Variants in PBX1 observed in about 807,000 individuals in gnomAD.
PBX1 encodes the protein PBX homeobox 1.
Under a neutral mutation model 53.4 loss-of-function variants are expected in PBX1, and 6 were observed. The observed-to-expected ratio is 0.11, with a 90% CI of 0.06 to 0.22. PBX1 has a LOEUF of 0.22. Ranked by LOEUF, PBX1 falls within the 10% of genes least tolerant of loss-of-function variation. The pLI is 1.00. For missense variants in PBX1, 251 were observed against 551.4 expected (o/e 0.46, Z 5.46); for synonymous variants, 204 against 212.3 (o/e 0.96, Z 0.34).
chr1:164,575,897 C>T (rs1163269730), intron 2 of PBX1, among the ~76,000 whole-genome samples: 2 of 152,024 alleles, frequency 1.3e-5, no homozygotes, highest in Non-Finnish European at 2.9e-5. Context: ...GGTGATGCTG[C>T]GCGCAGCACC....
chr1:164,738,056 G>C (rs1665396267), intron 2 of PBX1, among the ~76,000 whole-genome samples: 2 of 151,918 alleles, frequency 1.3e-5, no homozygotes, highest in African/African-American at 2.4e-5. Context: ...ATAATGCTTT[G>C]AGATGTATCT....
At chr1:164,720,814 T>C (rs776079506) in intron 2 of PBX1, among the ~76,000 whole-genome samples, 5 of 152,172 alleles carry the variant, frequency 3.3e-5, no homozygotes, top group Non-Finnish European at 5.9e-5. Flanking sequence ...AGGTGTCCAA[T>C]GGAACATTGC....
intron 2 of PBX1, among the ~76,000 whole-genome samples, chr1:164,685,249 T>G (rs1662032231): frequency 6.6e-6 from 1 of 152,254 alleles, no homozygotes. Context: ...TGAAGGTTTC[T>G]TGCTGTCATG....
chr1:164,644,386 C>G (rs1659327253), intron 2 of PBX1, among the ~76,000 whole-genome samples: 1 of 152,130 alleles, frequency 6.6e-6, no homozygotes, highest in Admixed American at 6.5e-5. Flanking sequence ...TAAACAGCAT[C>G]TTTGGAGCAG....
chr1:164,776,559 C>T (rs1343108758), intron 2 of PBX1, among the ~76,000 whole-genome samples: 1 of 152,154 alleles, frequency 6.6e-6, no homozygotes, highest in Non-Finnish European at 1.5e-5. Context: ...GTGTTCTCTT[C>T]CCTTTGCCTT....
Position 164,593,250 on chromosome 1 carries a change from G to A in PBX1, c.265+29939G>A, listed in dbSNP as rs115986646. ...GGGAATAACAGGCATGAGCCACCAC[G>A]CCTGGCCAACCCTTAGATTCTTTTT... On this transcript the variant is annotated intron_variant, in intron 2 of 8. Coordinates refer to ENST00000420696, the MANE Select transcript of PBX1 (RefSeq NM_002585.4). 3.3e-5 allele frequency among the ~76,000 whole-genome samples: 5 copies of A among 152,238 alleles called. No individual in the cohort carries two copies. In the South Asian group the frequency reaches 1.0e-3, roughly 32 times the overall value.
intron 8 of PBX1, among the ~76,000 whole-genome samples, chr1:164,831,189 A>G (rs1670735511): frequency 6.6e-6 from 1 of 152,130 alleles, no homozygotes; most frequent in Admixed American, 6.6e-5. Context: ...CTGTGCATCC[A>G]TCAATCCATC....
intron 2 of PBX1, among the ~76,000 whole-genome samples, chr1:164,623,062 C>CT (rs1383546006): frequency 3.9e-5 from 6 of 152,154 alleles, no homozygotes; most frequent in African/African-American, 1.4e-4. Context: ...ATCCACCTGC[C>CT]TCGGCCTCCC....
intron 2 of PBX1, among the ~76,000 whole-genome samples, chr1:164,669,215 T>A (rs1660984060): frequency 6.6e-6 from 1 of 152,158 alleles, no homozygotes; most frequent in South Asian, 2.1e-4. Context: ...GTTAATGGGA[T>A]GCTATTAGGC....
chr1:164,872,643 C>A (rs1672409305), intron 2 of PBX1, among the ~76,000 whole-genome samples: 1 of 152,144 alleles, frequency 6.6e-6, no homozygotes, highest in Admixed American at 6.5e-5. Context: ...CTTTATGCCG[C>A]CTAAGACTGC....
At chr1:164,713,774 T>G (rs1663929760) in intron 2 of PBX1, among the ~76,000 whole-genome samples, 1 of 152,242 alleles carries the variant, frequency 6.6e-6, no homozygotes, top group South Asian at 2.1e-4. Context: ...AAGGCCCTTT[T>G]ATTCATTAAT....
At chr1:164,633,310 C>T (rs562144581) in intron 2 of PBX1, among the ~76,000 whole-genome samples, 21 of 152,076 alleles carry the variant, frequency 1.4e-4, no homozygotes, top group African/African-American at 4.1e-4. Context: ...TCACCATGCC[C>T]GGCTAATTTT....
intron 2 of PBX1, among the ~76,000 whole-genome samples, chr1:164,698,662 C>G (rs1470669239): frequency 6.6e-6 from 1 of 152,158 alleles, no homozygotes; most frequent in East Asian, 1.9e-4. Context: ...GTTGACTCAT[C>G]AGAGCGCCCA....
At chr1:164,690,977 G>T (rs183319099) in intron 2 of PBX1, among the ~76,000 whole-genome samples, 1 of 149,716 alleles carries the variant, frequency 6.7e-6, no homozygotes, top group East Asian at 2.0e-4. Context: ...GGCAACTCAA[G>T]GATGCATTGT....
At chr1:164,805,456 G>A (rs1669302750) in intron 4 of PBX1, among the ~76,000 whole-genome samples, 1 of 152,166 alleles carries the variant, frequency 6.6e-6, no homozygotes, top group Non-Finnish European at 1.5e-5. Flanking sequence ...CACATCACAA[G>A]GAGAGAAGAG....
intron 2 of PBX1, among the ~76,000 whole-genome samples, chr1:164,754,675 G>A (rs116080577): frequency 0.021 from 3,207 of 152,204 alleles, 65 homozygotes; most frequent in South Asian, 0.047. Context: ...GTGTACGTGC[G>A]TGCACGTGCG....
chr1:164,615,801 G>A (rs930052505), intron 2 of PBX1, among the ~76,000 whole-genome samples: 8 of 152,176 alleles, frequency 5.3e-5, no homozygotes, highest in Admixed American at 2.0e-4. Context: ...ACTGTCACAA[G>A]AGGGGAGGAG....
chr1:164,616,729 G>T (rs1008584021), intron 2 of PBX1, among the ~76,000 whole-genome samples: 1 of 152,164 alleles, frequency 6.6e-6, no homozygotes, highest in Non-Finnish European at 1.5e-5. Flanking sequence ...AGAGGGAGCT[G>T]CATTTTCTGA....
chr1:164,612,842 A>G (rs760802151), intron 2 of PBX1, among the ~76,000 whole-genome samples: 3 of 152,170 alleles, frequency 2.0e-5, no homozygotes, highest in Admixed American at 1.3e-4. Context: ...TGGAGATAGT[A>G]TCCAGCTTGG....
Sources: allele counts gnomAD v4.1 joint callset (sites outside exome capture counted in the v4.1 genomes callset), GRCh38; gene constraint gnomAD v4.1.1; transcripts MANE v1.5; gene names NCBI Gene and HGNC (gene_info 2026-07-23, HGNC 2026-07-21).